LMCD1: variants seen among roughly 807,000 people sequenced by gnomAD.
The protein encoded by LMCD1 is LIM and cysteine rich domains 1.
LMCD1 carries 32 observed loss-of-function variants against 42.7 expected under a neutral mutation model. That is an observed-to-expected ratio of 0.75 (90% CI 0.57 to 1.01). The LOEUF is 1.01. Among genes scored for constraint, LMCD1 ranks in the 50% least tolerant of loss-of-function variants. The pLI, the probability that LMCD1 is intolerant of heterozygous loss-of-function variation, is 0.00. For synonymous variants in LMCD1, 178 were observed against 184.9 expected (o/e 0.96, Z 0.30); for missense variants, 458 against 483.1 (o/e 0.95, Z 0.49).
At position 8,565,462 on chromosome 3, in the gene LMCD1, C is replaced by T. The variant is rs757283271; in HGVS notation, c.754C>T (p.Pro252Ser). Residue 252 changes from proline (P) to serine (S), a missense_variant, in exon 5 of 6, where the codon CCT (proline) becomes TCT (serine). Coordinates refer to ENST00000157600, the MANE Select transcript of LMCD1 (RefSeq NM_014583.4). Reference protein sequence around the residue: ...VCELCKGAAPPDSPVVYSDRA... With the variant: ...VCELCKGAAPSDSPVVYSDRA... ...CGAGCTCTGCAAGGGAGCGGCCCCT[C>T]CTGACAGCCCCGTGGTCTACTCGGA... is the stretch of plus-strand genomic sequence containing the variant. 1 of 1,614,082 alleles carries T rather than the reference C, an allele frequency of 6.2e-7. No individual in the cohort carries two copies. Among genetic ancestry groups the T allele is most frequent in the Non-Finnish European group, 8.5e-7 (1 of 1,180,046 alleles).
intron 1 of LMCD1, among the ~76,000 whole-genome samples, chr3:8,511,157 C>G (rs1438419040): frequency 2.0e-5 from 3 of 152,224 alleles, no homozygotes; most frequent in Non-Finnish European, 4.4e-5. Context: ...CAACAATCAT[C>G]TAAGTTCTTG....
intron 4 of LMCD1, among the ~76,000 whole-genome samples, chr3:8,564,498 C>A (rs1695094182): frequency 6.6e-6 from 1 of 152,086 alleles, no homozygotes; most frequent in Admixed American, 6.5e-5. Flanking sequence ...TCTCAAACTC[C>A]TGGCCTCAAA....
Position 8,525,408 on chromosome 3 carries a change from G to C in LMCD1, c.43-7329G>C, listed in dbSNP as rs549098323. Among the ~76,000 whole-genome samples, 21 of 152,252 alleles carry C rather than the reference G, an allele frequency of 1.4e-4. 1 individual carries two copies. The South Asian group carries it at 4.4e-3, about 32-fold the overall frequency. ...CTGAATATTATTCCATTGTGTGTGTGTGTGTTTGTGTGTGTGTACGTGGGT... is the reference window on the plus strand; with the variant it reads ...CTGAATATTATTCCATTGTGTGTGTCTGTGTTTGTGTGTGTGTACGTGGGT... On this transcript the variant is annotated intron_variant, in intron 1 of 5. Transcript: ENST00000157600.
chr3:8,566,773 T>C (rs909236502), intron 5 of LMCD1, among the ~76,000 whole-genome samples: 4 of 152,250 alleles, frequency 2.6e-5, no homozygotes, highest in African/African-American at 7.2e-5. Flanking sequence ...GTCAACATTC[T>C]AAGCCTTTCA....
Position 8,569,138 on chromosome 3 carries a change from C to A in LMCD1, c.*1540C>A, listed in dbSNP as rs1292947735. ...CCTGCCAAGTTAACAACCAAGTCCT[C>A]ATGGACATTTGAATCCTTCCAAAAC... On this transcript the variant is annotated 3_prime_UTR_variant, in exon 6 of 6. Coordinates refer to ENST00000157600, the MANE Select transcript of LMCD1 (RefSeq NM_014583.4). 6.6e-6 allele frequency: 1 copy of A among 152,242 alleles called. No homozygotes were observed. Among genetic ancestry groups the A allele is most frequent in the Non-Finnish European group, 1.5e-5 (1 of 68,046 alleles). 9.4% of individuals were successfully genotyped at this position (152,242 alleles called of 1,614,324 possible).
chr3:8,536,431 C>T (rs1389966753), intron 2 of LMCD1, among the ~76,000 whole-genome samples: 2 of 152,146 alleles, frequency 1.3e-5, no homozygotes, highest in African/African-American at 4.8e-5. Context: ...TGAACCCTCC[C>T]CAGGATGTGT....
At chr3:8,537,086 G>C in intron 2 of LMCD1, 99 bp from the exon 3 acceptor site, 1 of 1,388,176 alleles carries the variant, frequency 7.2e-7, no homozygotes, top group South Asian at 1.5e-5. Context: ...CCAACTTAAA[G>C]TTTTAGCTTG....
In LMCD1 at chr3:8,548,902, A is replaced by G; in HGVS notation, c.722A>G (p.Tyr241Cys). 6.6e-7 allele frequency: 1 copy of G among 1,509,212 alleles called. No homozygotes were observed. Among genetic ancestry groups the G allele is most frequent in the Non-Finnish European group, 8.9e-7 (1 of 1,125,848 alleles). 93.5% of individuals were successfully genotyped at this position (1,509,212 alleles called of 1,614,324 possible). Residue 241 changes from tyrosine to cysteine, a missense_variant and splice_region_variant, in exon 4 of 6, where the codon TAC becomes TGC. Coordinates refer to ENST00000157600, the MANE Select transcript of LMCD1 (RefSeq NM_014583.4). The stretch of plus-strand genomic sequence containing the variant: ...AGTGACCCGTCCAAAGAAGTGGAAT[A>G]CGTAAGTTTCTCCCATGCTTCCAGC... Reference protein sequence around the residue: ...SLSDPSKEVEYVCELCKGAAP... With the variant: ...SLSDPSKEVECVCELCKGAAP...
At chr3:8,530,967 A>G (rs1166410631) in intron 1 of LMCD1, among the ~76,000 whole-genome samples, 2 of 152,242 alleles carry the variant, frequency 1.3e-5, no homozygotes, top group Non-Finnish European at 2.9e-5. Context: ...CTGAAGCTGT[A>G]AATATGTATT....
At chr3:8,562,116 C>T (rs750026056) in intron 4 of LMCD1, among the ~76,000 whole-genome samples, 3 of 152,140 alleles carry the variant, frequency 2.0e-5, no homozygotes, top group Admixed American at 6.5e-5. Context: ...TCACCCTCCC[C>T]ACAAAGCCCC....
chr3:8,544,483 C>T lies in LMCD1; in HGVS notation c.388-4085C>T, dbSNP rs1490695851. The stretch of plus-strand genomic sequence containing the variant: ...TCCTCTGGGATTTAGGGCAGAGTGA[C>T]CAATGGGGCGTCTGCAGCCACCCCT... On this transcript the variant is annotated intron_variant, in intron 3 of 5. Transcript: ENST00000157600. Among the ~76,000 whole-genome samples the T allele has an allele frequency of 2.0e-5, 3 of 152,140 alleles. No homozygotes were observed. In the South Asian group the frequency reaches 6.2e-4, roughly 32 times the overall value.
chr3:8,559,895 C>A (rs566763695), intron 4 of LMCD1, among the ~76,000 whole-genome samples: 1 of 152,220 alleles, frequency 6.6e-6, no homozygotes, highest in Non-Finnish European at 1.5e-5. Context: ...AAGGGGCTGG[C>A]TACTGGTAGA....
rs1695227825 is a variant in LMCD1 at position 8,571,982 on chromosome 3, A to G, written c.*4384A>G. 1 of 152,224 alleles carries G rather than the reference A, an allele frequency of 6.6e-6. No homozygotes were observed. The allele number at this position is 152,224 out of a possible 1,614,324, so 9.4% of individuals were successfully genotyped here. A position where few individuals can be genotyped will look rare whatever the true frequency, so the allele number is the denominator to read the frequency against. ...TAACGCTGATGTGTTTCTACCATGTAATCCTCAGATCCAATTCAAGTGTCA... is the reference window on the plus strand; with the variant it reads ...TAACGCTGATGTGTTTCTACCATGTGATCCTCAGATCCAATTCAAGTGTCA... On this transcript the variant is annotated 3_prime_UTR_variant, in exon 6 of 6. Coordinates refer to ENST00000157600, the MANE Select transcript of LMCD1 (RefSeq NM_014583.4).
Position 8,570,642 on chromosome 3 carries a change from G to C in LMCD1, c.*3044G>C, listed in dbSNP as rs1236623270. ...TCATATCTCACCTTGAACATTTTCT[G>C]CTCAGACTGACAAGTCTCCCCGACG... On this transcript the variant is annotated 3_prime_UTR_variant, in exon 6 of 6. Transcript: ENST00000157600. The C allele has an allele frequency of 1.3e-5, 2 of 152,070 alleles. No individual in the cohort carries two copies. Among genetic ancestry groups the C allele is most frequent in the Non-Finnish European group, 2.9e-5 (2 of 68,082 alleles). The allele number at this position is 152,070 out of a possible 1,614,324, so 9.4% of individuals were successfully genotyped here.
chr3:8,557,136 C>G (rs991860439), intron 4 of LMCD1, among the ~76,000 whole-genome samples: 3 of 152,168 alleles, frequency 2.0e-5, no homozygotes, highest in Non-Finnish European at 4.4e-5. Context: ...CCCACCCTGC[C>G]CATTCTGCAC....
chr3:8,520,406 A>G (rs1465813241), intron 1 of LMCD1, among the ~76,000 whole-genome samples: 1 of 152,192 alleles, frequency 6.6e-6, no homozygotes, highest in Non-Finnish European at 1.5e-5. Context: ...TAAGAACCAC[A>G]AAACCAATTA....
At chr3:8,540,994 A>T (rs992509638) in intron 3 of LMCD1, among the ~76,000 whole-genome samples, 1 of 152,024 alleles carries the variant, frequency 6.6e-6, no homozygotes, top group Non-Finnish European at 1.5e-5. Context: ...CTCGGTCACC[A>T]CTATGGACTG....
chr3:8,535,688 C>G (rs1254056556), intron 2 of LMCD1, among the ~76,000 whole-genome samples: 1 of 152,236 alleles, frequency 6.6e-6, no homozygotes, highest in Non-Finnish European at 1.5e-5. Context: ...AGGCAACTCT[C>G]TTCTGCCCTG....
intron 1 of LMCD1, among the ~76,000 whole-genome samples, chr3:8,509,086 G>A (rs767740742): frequency 1.3e-5 from 2 of 152,128 alleles, no homozygotes; most frequent in Non-Finnish European, 2.9e-5. Flanking sequence ...ACATTTAAAC[G>A]ATAGTTTAAT....
Sources: allele counts gnomAD v4.1 joint callset (sites outside exome capture counted in the v4.1 genomes callset), GRCh38; gene constraint gnomAD v4.1.1; transcripts MANE v1.5; gene names NCBI Gene and HGNC (gene_info 2026-07-23, HGNC 2026-07-21).